PHACTR3: variants seen among roughly 807,000 people sequenced by gnomAD.
PHACTR3 encodes phosphatase and actin regulator 3.
In PHACTR3, 16 loss-of-function variants were observed where a neutral mutation model predicts 66.8. The ratio of observed to expected loss-of-function variants is 0.24; its 90% CI spans 0.16 to 0.36. PHACTR3 has a LOEUF of 0.36. Among genes scored for constraint, PHACTR3 ranks in the 10% least tolerant of loss-of-function variants. PHACTR3 has a pLI of 1.00. For synonymous variants in PHACTR3, 323 were observed against 292.1 expected (o/e 1.11, Z -1.08); for missense variants, 647 against 719.9 (o/e 0.90, Z 1.16).
At chr20:59,719,510 TGA>T in intron 1 of PHACTR3, among the ~76,000 whole-genome samples, 1 of 152,278 alleles carries the variant, frequency 6.6e-6, no homozygotes, top group Admixed American at 6.5e-5. Context: ...TTTTTCTTCT[TGA>T]GAGAGTTTCA....
At chr20:59,766,111 C>G (rs1601303557) in intron 4 of PHACTR3, among the ~76,000 whole-genome samples, 1 of 152,186 alleles carries the variant, frequency 6.6e-6, no homozygotes, top group East Asian at 1.9e-4. Context: ...GAGCCCCGGT[C>G]TGATGACCTC....
chr20:59,841,615 T>C, intron 11 of PHACTR3, 80 bp downstream of exon 11: 6 of 1,455,858 alleles, frequency 4.1e-6, no homozygotes, highest in South Asian at 1.4e-5. Context: ...AGTTTATTCA[T>C]AGACAATGGG....
chr20:59,845,064 T>C (rs990497895), intron 11 of PHACTR3, 125 bp from the exon 12 acceptor site: 6 of 582,030 alleles, frequency 1.0e-5, no homozygotes, highest in Non-Finnish European at 1.8e-5. Context: ...AAAAATTGTT[T>C]GTTTTTTTCT....
At chr20:59,657,260 TG>T (rs2035651831) in intron 1 of PHACTR3, among the ~76,000 whole-genome samples, 127 of 35,540 alleles carry the variant, frequency 3.6e-3, no homozygotes, top group African/African-American at 7.4e-3. Flanking sequence ...AAGTGTGTTG[TG>T]TGTGTGTGTG....
intron 5 of PHACTR3, among the ~76,000 whole-genome samples, chr20:59,769,166 T>C (rs78553584): frequency 0.022 from 3,402 of 152,332 alleles, 58 homozygotes; most frequent in Non-Finnish European, 0.035. Flanking sequence ...GCCCTGACCC[T>C]TGACCTCATA....
intron 1 of PHACTR3, among the ~76,000 whole-genome samples, chr20:59,698,990 T>G (rs1312208971): frequency 6.6e-6 from 1 of 152,192 alleles, no homozygotes; most frequent in Non-Finnish European, 1.5e-5. Flanking sequence ...ATTCCAGTGT[T>G]TCTGCTGATG....
At chr20:59,836,346 G>C (rs2058964864) in intron 8 of PHACTR3, 159 bp from the exon 9 acceptor site, 10 of 599,052 alleles carry the variant, frequency 1.7e-5, no homozygotes, top group Non-Finnish European at 2.9e-5. Flanking sequence ...ACTTGATTTT[G>C]CCAGCAAGAG....
At chr20:59,615,043 C>T (rs1234814304) in intron 1 of PHACTR3, among the ~76,000 whole-genome samples, 1 of 152,108 alleles carries the variant, frequency 6.6e-6, no homozygotes, top group Non-Finnish European at 1.5e-5. Flanking sequence ...GGCCCCTACC[C>T]CACATTCTTT....
In PHACTR3 at chr20:59,596,222, AC is replaced by A. The variant is rs2033323297; in HGVS notation, c.109+18607del. 4.6e-5 allele frequency among the ~76,000 whole-genome samples: 7 copies of A among 152,142 alleles called. No homozygotes were observed. The South Asian group carries it at 1.5e-3, about 32-fold the overall frequency. ...ATGATCTTGGATCACTGCAACCTCC[AC>A]CTCCTAGATTCAAGCGATTCTCCTG... On this transcript the variant is annotated intron_variant, in intron 1 of 12. Coordinates refer to the PHACTR3 transcript ENST00000359926.
chr20:59,763,519 G>C (rs1210993363), intron 4 of PHACTR3, among the ~76,000 whole-genome samples: 6 of 152,344 alleles, frequency 3.9e-5, no homozygotes, highest in Admixed American at 1.3e-4. Context: ...AGGCTCAGGA[G>C]AATTTTTTGT....
intron 9 of PHACTR3, 22 bp downstream of exon 9, chr20:59,836,582 TAG>T (rs778172119): frequency 3.9e-5 from 62 of 1,606,728 alleles, no homozygotes; most frequent in Non-Finnish European, 5.2e-5. Context: ...GTGATTCCTC[TAG>T]AGGTTTTCCT....
chr20:59,651,124 G>T (rs909536260), intron 1 of PHACTR3, among the ~76,000 whole-genome samples: 16 of 152,096 alleles, frequency 1.1e-4, no homozygotes, highest in African/African-American at 3.6e-4. Flanking sequence ...ACTTTAGGAG[G>T]CCAAGGTGGG....
chr20:59,816,738 A>T (rs2041897740), intron 8 of PHACTR3, among the ~76,000 whole-genome samples: 1 of 152,180 alleles, frequency 6.6e-6, no homozygotes, highest in South Asian at 2.1e-4. Flanking sequence ...TAGATGGATG[A>T]TTGTATGATT....
chr20:59,846,568 T>C (rs2059150486), intron 12 of PHACTR3, among the ~76,000 whole-genome samples: 1 of 152,120 alleles, frequency 6.6e-6, no homozygotes, highest in Non-Finnish European at 1.5e-5. Flanking sequence ...ATTTTGTACA[T>C]TTTCCGATTA....
intron 8 of PHACTR3, among the ~76,000 whole-genome samples, chr20:59,815,311 C>T (rs931786064): frequency 7.2e-5 from 11 of 152,054 alleles, no homozygotes; most frequent in Admixed American, 3.9e-4. Context: ...GAACAAGGAA[C>T]TCATCATACC....
At chr20:59,793,946 A>C (rs1156978824) in intron 7 of PHACTR3, among the ~76,000 whole-genome samples, 1 of 152,016 alleles carries the variant, frequency 6.6e-6, no homozygotes, top group Non-Finnish European at 1.5e-5. Flanking sequence ...AACACAAAGA[A>C]ACCTCATTTC....
chr20:59,706,199 T>C (rs1420444145), intron 1 of PHACTR3, among the ~76,000 whole-genome samples: 1 of 152,172 alleles, frequency 6.6e-6, no homozygotes, highest in Non-Finnish European at 1.5e-5. Flanking sequence ...TACTGGCCTG[T>C]AGTATCTGGA....
chr20:59,605,272 T>A, intron 1 of PHACTR3, 140 bp downstream of exon 1: 2 of 517,532 alleles, frequency 3.9e-6, no homozygotes, highest in Non-Finnish European at 6.0e-6. Context: ...CCGCGGTTCC[T>A]ATCCCCAGTC....
chr20:59,655,306 A>C (rs1219741399), intron 1 of PHACTR3, among the ~76,000 whole-genome samples: 1 of 152,046 alleles, frequency 6.6e-6, no homozygotes, highest in Non-Finnish European at 1.5e-5. Flanking sequence ...TTCACATACT[A>C]TACACTTCAC....
Sources: allele counts gnomAD v4.1 joint callset (sites outside exome capture counted in the v4.1 genomes callset), GRCh38; gene constraint gnomAD v4.1.1; transcripts MANE v1.5; gene names NCBI Gene and HGNC (gene_info 2026-07-23, HGNC 2026-07-21).